The following KDM4B variants were observed in gnomAD, a reference collection of about 807,000 sequenced individuals.
The protein encoded by KDM4B is lysine-specific demethylase 4B.
In KDM4B, 32 loss-of-function variants were observed where a neutral mutation model predicts 125.2. That is an observed-to-expected ratio of 0.26 (90% CI 0.19 to 0.34). The LOEUF (loss-of-function observed/expected upper bound fraction) is 0.34. KDM4B is among the 10% of genes least tolerant of loss of function. The pLI is 1.00. For missense variants in KDM4B, 1,190 were observed against 1,577.7 expected (o/e 0.75, Z 4.16); for synonymous variants, 721 against 677.9 (o/e 1.06, Z -0.99).
At chr19:5,086,048 C>A (rs775970585) in intron 9 of KDM4B, among the ~76,000 whole-genome samples, 18 of 152,146 alleles carry the variant, frequency 1.2e-4, no homozygotes, top group Non-Finnish European at 2.1e-4. Flanking sequence ...GCCCAGCTCC[C>A]CTGTCCCATT....
At chr19:5,006,627 G>A (rs889781983) in intron 1 of KDM4B, among the ~76,000 whole-genome samples, 3 of 152,150 alleles carry the variant, frequency 2.0e-5, no homozygotes, top group Admixed American at 2.0e-4. Context: ...ACAAAAATTA[G>A]CTGGGCATGG....
At chr19:5,043,077 A>G (rs549305722) in intron 5 of KDM4B, among the ~76,000 whole-genome samples, 64 of 150,612 alleles carry the variant, frequency 4.2e-4, no homozygotes, top group Non-Finnish European at 7.5e-4. Context: ...TGGGTTTTGG[A>G]TTTTTGGAGC....
intron 4 of KDM4B, 125 bp downstream of exon 4, chr19:5,040,136 G>C (rs969386377): frequency 4.6e-6 from 5 of 1,096,012 alleles, no homozygotes; most frequent in Admixed American, 2.7e-5. Context: ...TGCTCTGTGT[G>C]CCCCGTGTGG....
chr19:4,984,431 C>T (rs2034756761), intron 1 of KDM4B, among the ~76,000 whole-genome samples: 1 of 152,108 alleles, frequency 6.6e-6, no homozygotes, highest in Non-Finnish European at 1.5e-5. Flanking sequence ...TTTTTGCGGC[C>T]TCTTTATTAT....
intron 3 of KDM4B, among the ~76,000 whole-genome samples, chr19:5,036,994 G>A (rs926155065): frequency 1.2e-4 from 18 of 152,326 alleles, no homozygotes; most frequent in African/African-American, 3.1e-4. Context: ...AGCTTCCTGC[G>A]TGGCTCCCAG....
chr19:5,119,328 G>GCCGCCCCGTC (rs2039315831), intron 10 of KDM4B: 3 of 793,522 alleles, frequency 3.8e-6, no homozygotes, highest in Admixed American at 2.3e-5. Context: ...CGCGGCTCCT[G>GCCGCCCCGTC]CCGCCCCGTC....
chr19:5,133,648 G>A (rs1032909833), intron 13 of KDM4B, among the ~76,000 whole-genome samples: 8 of 152,190 alleles, frequency 5.3e-5, no homozygotes, highest in African/African-American at 1.2e-4. Context: ...GCAGTCAGCC[G>A]AGACAGACGT....
At chr19:5,014,925 G>T (rs1243400160) in intron 1 of KDM4B, among the ~76,000 whole-genome samples, 1 of 151,702 alleles carries the variant, frequency 6.6e-6, no homozygotes, top group East Asian at 2.0e-4. Flanking sequence ...AACCCGGCAG[G>T]CGGAGGTTGC....
intron 6 of KDM4B, among the ~76,000 whole-genome samples, chr19:5,049,398 C>G (rs759012813): frequency 6.6e-6 from 1 of 151,382 alleles, no homozygotes; most frequent in African/African-American, 2.4e-5. Context: ...ACAGCTGGGG[C>G]GGGGCAGCGT....
At chr19:5,119,033 G>A (rs1226645956) in intron 10 of KDM4B, 2 of 769,336 alleles carry the variant, frequency 2.6e-6, no homozygotes, top group Admixed American at 2.2e-5. Context: ...AGGGAGTTGG[G>A]GACAGAGCCA....
intron 13 of KDM4B, 23 bp downstream of exon 13, chr19:5,132,030 G>A (rs372976975): frequency 4.3e-5 from 69 of 1,589,604 alleles, no homozygotes; most frequent in South Asian, 1.5e-4. Context: ...TCCCCAGGTC[G>A]GCTCTCATCA....
intron 1 of KDM4B, among the ~76,000 whole-genome samples, chr19:4,983,135 CTTTT>C (rs76958173): frequency 3.1e-5 from 4 of 130,604 alleles, no homozygotes; most frequent in Admixed American, 7.5e-5. Flanking sequence ...TTTTTCTTTT[CTTTT>C]TTTTTTTTTT....
chr19:5,137,602 G>C lies in KDM4B; in HGVS notation c.2386-19G>C. 1 of 1,602,226 alleles carries C rather than the reference G, an allele frequency of 6.2e-7. No individual in the cohort carries two copies. Among genetic ancestry groups the C allele is most frequent in the Non-Finnish European group, 8.5e-7 (1 of 1,177,304 alleles). The stretch of plus-strand genomic sequence containing the variant: ...CCTGCTCCGAGCCCTGCTCATCCAG[G>C]GCTGTCTGGTCTCCACAGGAGTGCT... On this transcript the variant is annotated intron_variant, in intron 16 of 22. Coordinates refer to ENST00000159111, the MANE Select transcript of KDM4B (RefSeq NM_015015.3).
chr19:5,064,128 T>C (rs2037692346), intron 6 of KDM4B, among the ~76,000 whole-genome samples: 1 of 152,152 alleles, frequency 6.6e-6, no homozygotes, highest in South Asian at 2.1e-4. Flanking sequence ...ACCATGGCTT[T>C]TCCGTTCTGT....
intron 2 of KDM4B, among the ~76,000 whole-genome samples, chr19:5,030,907 CT>C (rs2036432349): frequency 6.6e-6 from 1 of 152,258 alleles, no homozygotes. Flanking sequence ...TTGGCCCGGC[CT>C]CTGAGGGCTG....
At chr19:5,111,983 A>G (rs2613736) in intron 10 of KDM4B, 596,303 of 618,844 alleles carry the variant, frequency 0.96, 287,466 homozygotes, top group East Asian at 1. Context: ...GCCAGGCACG[A>G]TCGCTCACAC....
At chr19:5,072,203 T>C (rs139230354) in intron 7 of KDM4B, among the ~76,000 whole-genome samples, 1 of 152,248 alleles carries the variant, frequency 6.6e-6, no homozygotes, top group African/African-American at 2.4e-5. Flanking sequence ...CCCATGGGCT[T>C]TTGGCTTTGG....
chr19:5,083,443 G>A (rs2038368042), intron 9 of KDM4B, among the ~76,000 whole-genome samples: 1 of 152,218 alleles, frequency 6.6e-6, no homozygotes, highest in African/African-American at 2.4e-5. Flanking sequence ...GAAGCAGCTA[G>A]GAGGCCGTCT....
intron 2 of KDM4B, among the ~76,000 whole-genome samples, chr19:5,019,488 AG>A (rs1428860670): frequency 8.6e-6 from 1 of 116,520 alleles, no homozygotes; most frequent in Non-Finnish European, 1.7e-5. Flanking sequence ...GTTGGTGTGC[AG>A]GTGTTGGTGT....
Sources: gnomAD v4.1 joint callset for allele counts (sites outside exome capture counted in the v4.1 genomes callset) on GRCh38, gnomAD v4.1.1 for gene constraint, MANE v1.5 for transcripts, NCBI Gene and HGNC (gene_info 2026-07-23, HGNC 2026-07-21) for gene names.